KCNQ2: variants seen among roughly 807,000 people sequenced by gnomAD.
KCNQ2 encodes potassium voltage-gated channel subfamily Q member 2.
Under a neutral mutation model 84.8 loss-of-function variants are expected in KCNQ2, and 14 were observed. The observed-to-expected ratio is 0.17, with a 90% confidence interval of 0.11 to 0.26. KCNQ2 has a LOEUF of 0.26. KCNQ2 is among the 10% of genes least tolerant of loss of function. KCNQ2 has a pLI of 1.00. For synonymous variants in KCNQ2, 599 were observed against 554.1 expected, an observed-to-expected ratio of 1.08 and a Z score of -1.14; for missense variants, 788 against 1,254.0, an observed-to-expected ratio of 0.63 and a Z score of 5.61.
chr20:63,439,533 TG>T, intron 6 of KCNQ2, 64 bp downstream of exon 6: 1 of 1,226,640 alleles, frequency 8.2e-7, no homozygotes, highest in Non-Finnish European at 1.2e-6. Flanking sequence ...CAGGGGCCTG[TG>T]GTCACCTCGG....
At chr20:63,421,535 C>T (rs972611225) in intron 11 of KCNQ2, among the ~76,000 whole-genome samples, 2 of 152,188 alleles carry the variant, frequency 1.3e-5, no homozygotes, top group African/African-American at 2.4e-5. Context: ...CTCCACACTG[C>T]GTGAGAAGGC....
chr20:63,416,056 A>G (rs1728125461), intron 12 of KCNQ2, among the ~76,000 whole-genome samples: 1 of 152,006 alleles, frequency 6.6e-6, no homozygotes, highest in Non-Finnish European at 1.5e-5. Context: ...CTCCCCTCCC[A>G]CCAGGTCCGT....
intron 9 of KCNQ2, 40 bp downstream of exon 9, chr20:63,431,300 C>T (rs750399240): frequency 8.4e-5 from 135 of 1,599,168 alleles, no homozygotes; most frequent in Non-Finnish European, 1.1e-4. Flanking sequence ...AGAACTAGAA[C>T]CACACACACA....
At position 63,424,158 on chromosome 20, in the gene KCNQ2, A is replaced by T; in HGVS notation, c.1247+19T>A. ...CCGTGCACACGGCAGACACCAGGGT[A>T]GCAGCAGGGGGCACTGACCTTGGAG... On this transcript the variant is annotated intron_variant, in intron 11 of 16. Coordinates refer to ENST00000359125, the MANE Select transcript of KCNQ2 (RefSeq NM_172107.4). The T allele has an allele frequency of 6.4e-7, 1 of 1,554,648 alleles. No homozygotes were observed. Among genetic ancestry groups the T allele is most frequent in the Non-Finnish European group, 8.7e-7 (1 of 1,148,302 alleles).
chr20:63,428,322 A>G lies in KCNQ2; in HGVS notation c.1217+45T>C, dbSNP rs776692151. ...TCTGTGGGCAGCTGGGGCCCCCAGG[A>G]GGACTGAGACGCCCACCCGCCCCAC... On this transcript the variant is annotated intron_variant, in intron 10 of 16. Transcript: ENST00000359125. 5.5e-6 allele frequency: 8 copies of G among 1,455,970 alleles called. No homozygotes were observed. The Admixed American group carries it at 1.6e-4, about 29-fold the overall frequency. 90.2% of individuals were successfully genotyped at this position (1,455,970 alleles called of 1,614,324 possible).
At chr20:63,450,730 A>C (rs1046765657) in intron 1 of KCNQ2, among the ~76,000 whole-genome samples, 2 of 151,768 alleles carry the variant, frequency 1.3e-5, no homozygotes, top group African/African-American at 2.4e-5. Context: ...GGGAGGGCAG[A>C]CCTGTGCAGA....
Position 63,442,659 on chromosome 20 carries a change from CCAT to C in KCNQ2, c.691-131_691-129del, listed in dbSNP as rs377072599. 868 of 584,938 alleles carry C rather than the reference CCAT, an allele frequency of 1.5e-3. 173 individuals are homozygous for C. The highest frequency in any genetic ancestry group is 0.013 in the South Asian group (737 of 55,736). 36.2% of individuals were successfully genotyped at this position (584,938 alleles called of 1,614,324 possible). ...ACCACCACCAAAACCATCACCACCA[CCAT>C]CACCACCACCACCACCACCACCATC... On this transcript the variant is annotated intron_variant, in intron 4 of 16. Transcript: ENST00000359125.
At chr20:63,417,885 C>T (rs1231944110) in intron 12 of KCNQ2, among the ~76,000 whole-genome samples, 12 of 152,208 alleles carry the variant, frequency 7.9e-5, no homozygotes, top group Non-Finnish European at 1.8e-4. Context: ...CGGGACGCAG[C>T]CCACGTGTAC....
chr20:63,401,079 C>A lies in KCNQ2; in HGVS notation c.*5565G>T. The A allele has an allele frequency of 2.6e-6, 1 of 391,340 alleles. No homozygotes were observed. Among genetic ancestry groups the A allele is most frequent in the Non-Finnish European group, 4.5e-6 (1 of 221,878 alleles). The allele number at this position is 391,340 out of a possible 1,614,324, so 24.2% of individuals were successfully genotyped here. A position where few individuals can be genotyped will look rare whatever the true frequency, so the allele number is the denominator to read the frequency against. ...TGGCCGAGAGTCAGACGCTGAGGAC[C>A]TCTCAGGACGGGGCCCCTGGCCAGA... is the stretch of plus-strand genomic sequence containing the variant. On this transcript the variant is annotated 3_prime_UTR_variant, in exon 17 of 17. Coordinates refer to ENST00000359125, the MANE Select transcript of KCNQ2 (RefSeq NM_172107.4).
intron 4 of KCNQ2, among the ~76,000 whole-genome samples, chr20:63,442,975 C>T (rs1298223586): frequency 3.2e-5 from 2 of 61,780 alleles, no homozygotes; most frequent in African/African-American, 6.6e-5. Flanking sequence ...CCACCACCAC[C>T]ATCACCACCA....
intron 6 of KCNQ2, among the ~76,000 whole-genome samples, 180 bp downstream of exon 6, chr20:63,439,418 T>C (rs1461242742): frequency 6.6e-6 from 1 of 152,184 alleles, no homozygotes; most frequent in Non-Finnish European, 1.5e-5. Context: ...ACTCCAGTCC[T>C]TGGGGAACAA....
At chr20:63,423,024 G>A (rs941768647) in intron 11 of KCNQ2, among the ~76,000 whole-genome samples, 1 of 152,226 alleles carries the variant, frequency 6.6e-6, no homozygotes, top group African/African-American at 2.4e-5. Flanking sequence ...CAGCAGGGGC[G>A]GGGGAGGCAG....
Position 63,413,658 on chromosome 20 carries a change from T to C in KCNQ2, c.1632-77A>G. On this transcript the variant is annotated intron_variant, in intron 14 of 16. Coordinates refer to ENST00000359125, the MANE Select transcript of KCNQ2 (RefSeq NM_172107.4). ...CAGGCACCAGGACCTTCCTAGCACC[T>C]CTGAGACCTCGGCGCCTGGAGATGG... The C allele has an allele frequency of 1.9e-6, 3 of 1,552,284 alleles. No homozygotes were observed. The South Asian group carries it at 3.3e-5, about 17-fold the overall frequency.
intron 1 of KCNQ2, chr20:63,463,823 G>A (rs536777987): frequency 6.6e-6 from 1 of 152,330 alleles, no homozygotes; most frequent in African/African-American, 2.4e-5. Context: ...GGCAGACAGA[G>A]GCAGCAGATG....
At chr20:63,443,262 CCAT>C (rs1428447640) in intron 4 of KCNQ2, among the ~76,000 whole-genome samples, 3 of 27,010 alleles carry the variant, frequency 1.1e-4, no homozygotes, top group Admixed American at 1.1e-3. Flanking sequence ...ACCATCGCCA[CCAT>C]CATCACCACC....
intron 8 of KCNQ2, 145 bp from the exon 9 acceptor site, chr20:63,431,514 C>CAGAA: frequency 1.1e-6 from 1 of 909,008 alleles, no homozygotes; most frequent in Non-Finnish European, 1.8e-6. Context: ...CTGGTTCTGT[C>CAGAA]CCTGCCCTGG....
At position 63,400,824 on chromosome 20, in the gene KCNQ2, C is replaced by T. The variant is rs745593454; in HGVS notation, c.*5820G>A. ...TCCGTGAGACCCCTCCTGCCCTGCG[C>T]GTGTCTCTGGAGCCCGTCCCTTGGG... On this transcript the variant is annotated 3_prime_UTR_variant, in exon 17 of 17. Transcript: ENST00000359125. This position sits in a 1 kb window ranked among gnomAD's most constrained non-coding sequence, Gnocchi z 8.7. 58 of 398,336 alleles carry T rather than the reference C, an allele frequency of 1.5e-4. No homozygotes were observed. The highest frequency in any genetic ancestry group is 2.3e-4 in the Non-Finnish European group (52 of 225,938). The allele number at this position is 398,336 out of a possible 1,614,324, so 24.7% of individuals were successfully genotyped here.
In KCNQ2 at chr20:63,408,612, G is replaced by T; in HGVS notation, c.1764-76C>A. 6.4e-7 allele frequency: 1 copy of T among 1,571,596 alleles called. No individual in the cohort carries two copies. On this transcript the variant is annotated intron_variant, in intron 15 of 16. Transcript: ENST00000359125. This position sits in a 1 kb window ranked among gnomAD's most constrained non-coding sequence, Gnocchi z 5.0. ...CCCCTGCCCTCTCCTCCTGGACCAG[G>T]CCACAGTGCCCCTGGGTCTAGGCTG...
chr20:63,406,667 C>T lies in KCNQ2; in HGVS notation c.2596G>A (p.Gly866Ser). 1.3e-6 allele frequency: 2 copies of T among 1,598,806 alleles called. No individual in the cohort carries two copies. The highest frequency in any genetic ancestry group is 1.7e-6 in the Non-Finnish European group (2 of 1,175,802). Residue 866 changes from glycine to serine, a missense_variant, in exon 17 of 17, where the codon GGC (glycine) becomes AGC (serine). Physicochemically the swap from Gly to Ser is moderately conservative, Grantham distance 56 (BLOSUM62 0). This residue lies in a region of KCNQ2 where 378 missense variants were observed against 434.5 expected (regional missense o/e 0.87). Coordinates refer to ENST00000359125, the MANE Select transcript of KCNQ2 (RefSeq NM_172107.4). Reference sequence around the variant, plus strand: ...CCTCACTTCCTGGGCCCGGCCCAGCCCACGTCACCAAAGGGACCCTCGCCG... The same window carrying T: ...CCTCACTTCCTGGGCCCGGCCCAGCTCACGTCACCAAAGGGACCCTCGCCG... The part of the protein sequence containing the change: ...ATGEGPFGDV[G>S]WAGPRK
Sources: allele counts gnomAD v4.1 joint callset (sites outside exome capture counted in the v4.1 genomes callset), GRCh38; gene constraint gnomAD v4.1.1; regional missense constraint gnomAD v4.1.1; non-coding constraint Gnocchi (gnomAD v3.1); transcripts MANE v1.5; gene names NCBI Gene and HGNC (gene_info 2026-07-23, HGNC 2026-07-21).